EML6: variants seen among roughly 807,000 people sequenced by gnomAD.
The protein encoded by EML6 is echinoderm microtubule-associated protein-like 6.
A neutral mutation model predicts 240.1 loss-of-function variants in EML6; 154 were observed. The observed-to-expected ratio is 0.64, with a 90% CI of 0.56 to 0.73. EML6 has a LOEUF of 0.73. Among genes scored for constraint, EML6 ranks in the 30% least tolerant of loss-of-function variants. The pLI is 0.00. For synonymous variants in EML6, 1,148 were observed against 899.0 expected (o/e 1.28, Z -4.95); for missense variants, 2,964 against 2,474.6 (o/e 1.20, Z -4.20).
intron 2 of EML6, among the ~76,000 whole-genome samples, chr2:54,746,540 A>G (rs927768462): frequency 3.9e-5 from 6 of 152,192 alleles, no homozygotes; most frequent in African/African-American, 9.7e-5. Context: ...AGAGAAAAAG[A>G]AAAGAGTGTT....
intron 15 of EML6, among the ~76,000 whole-genome samples, chr2:54,870,650 G>A (rs529624493): frequency 2.6e-5 from 4 of 151,610 alleles, no homozygotes; most frequent in Non-Finnish European, 5.9e-5. Flanking sequence ...CTTGATTCAC[G>A]TGTATTTAAT....
chr2:54,950,555 T>C, intron 29 of EML6, 95 bp from the exon 30 acceptor site: 3 of 1,404,808 alleles, frequency 2.1e-6, no homozygotes, highest in Non-Finnish European at 2.9e-6. Context: ...ATACCGTTCC[T>C]GGGACACACG....
At chr2:54,929,086 G>C (rs1029863941) in intron 28 of EML6, among the ~76,000 whole-genome samples, 2 of 152,246 alleles carry the variant, frequency 1.3e-5, no homozygotes, top group Non-Finnish European at 2.9e-5. Context: ...AGGAAAGCCT[G>C]CTGACCAGCA....
intron 25 of EML6, among the ~76,000 whole-genome samples, 182 bp from the exon 26 acceptor site, chr2:54,916,577 G>C (rs1260297638): frequency 6.6e-6 from 1 of 152,070 alleles, no homozygotes; most frequent in Non-Finnish European, 1.5e-5. Context: ...TGCAGTGTTG[G>C]CTTCTGAAGA....
intron 26 of EML6, among the ~76,000 whole-genome samples, chr2:54,919,245 C>CG (rs1558685912): frequency 1.5e-5 from 2 of 137,138 alleles, no homozygotes; most frequent in East Asian, 2.4e-4. Context: ...TTTTGCTTCC[C>CG]CCCCCCCCCA....
chr2:54,964,477 TAGGCCTGGA>T, intron 37 of EML6, 85 bp from the exon 38 acceptor site: 1 of 1,214,656 alleles, frequency 8.2e-7, no homozygotes, highest in Non-Finnish European at 1.1e-6. Flanking sequence ...TCATTGCCTT[TAGGCCTGGA>T]AGGCCTGTCA....
intron 25 of EML6, among the ~76,000 whole-genome samples, 157 bp downstream of exon 25, chr2:54,911,199 G>A (rs1021820506): frequency 2.0e-5 from 3 of 152,128 alleles, no homozygotes; most frequent in Non-Finnish European, 4.4e-5. Context: ...CTGGTTTCCA[G>A]GTTCCCAGAA....
At chr2:54,932,699 A>G (rs1285761862) in intron 28 of EML6, among the ~76,000 whole-genome samples, 1 of 152,210 alleles carries the variant, frequency 6.6e-6, no homozygotes, top group African/African-American at 2.4e-5. Context: ...CAAAATGCTT[A>G]TATCATCTCA....
At chr2:54,956,632 G>A (rs1035241026) in intron 32 of EML6, among the ~76,000 whole-genome samples, 4 of 97,072 alleles carry the variant, frequency 4.1e-5, no homozygotes, top group Non-Finnish European at 1.2e-4. Context: ...TTCTCTGTGG[G>A]TCCCCCTAGC....
At chr2:54,745,510 T>G (rs1683873096) in intron 2 of EML6, among the ~76,000 whole-genome samples, 1 of 152,042 alleles carries the variant, frequency 6.6e-6, no homozygotes, top group Non-Finnish European at 1.5e-5. Context: ...AGTCTGGTGG[T>G]CAATATCTGT....
chr2:54,753,987 T>G (rs1684288404), intron 2 of EML6, among the ~76,000 whole-genome samples: 1 of 151,656 alleles, frequency 6.6e-6, no homozygotes, highest in African/African-American at 2.4e-5. Context: ...ATAGAAAAAT[T>G]AGCCGGGTGT....
Position 54,964,125 on chromosome 2 carries a change from A to G in EML6, c.5297A>G (p.Lys1766Arg). 6.4e-7 allele frequency: 1 copy of G among 1,551,678 alleles called. No individual in the cohort carries two copies. Among genetic ancestry groups the G allele is most frequent in the Non-Finnish European group, 8.7e-7 (1 of 1,146,986 alleles). The change falls in exon 37 of 42, where the codon AAA becomes AGA. Residue 1766 changes from lysine to arginine, a missense_variant. By Grantham distance (26) the Lys-to-Arg change is conservative (BLOSUM62 2). Coordinates refer to ENST00000356458, the MANE Select transcript of EML6 (RefSeq NM_001039753.4). ...AACAGCCTGAAAGTTTGGGGGAAAA[A>G]ACGAGACCGGAAATCTGCTATCCAA... Reference protein sequence around the residue: ...LVNSLKVWGKKRDRKSAIQDI... With the variant: ...LVNSLKVWGKRRDRKSAIQDI...
chr2:54,751,244 C>G (rs1401578555), intron 2 of EML6, among the ~76,000 whole-genome samples: 3 of 152,084 alleles, frequency 2.0e-5, no homozygotes, highest in Non-Finnish European at 4.4e-5. Context: ...AATATGAAAC[C>G]TGCATATTGG....
chr2:54,810,885 C>T (rs1233964707), intron 2 of EML6, among the ~76,000 whole-genome samples: 2 of 152,120 alleles, frequency 1.3e-5, no homozygotes, highest in Non-Finnish European at 2.9e-5. Context: ...TTGGTTTCCC[C>T]ACTAAAAATT....
chr2:54,787,905 C>G (rs1669175135), intron 2 of EML6, among the ~76,000 whole-genome samples: 2 of 152,132 alleles, frequency 1.3e-5, no homozygotes, highest in South Asian at 2.1e-4. Flanking sequence ...GTACACACCC[C>G]GTCCCCCGAG....
intron 2 of EML6, among the ~76,000 whole-genome samples, chr2:54,789,507 T>C (rs2631832): frequency 0.18 from 15,980 of 86,510 alleles, 1,244 homozygotes; most frequent in Middle Eastern, 0.33. Context: ...GAGCGAGACT[T>C]CGTCTCAAAA....
At chr2:54,875,265 A>G (rs187636490) in intron 16 of EML6, among the ~76,000 whole-genome samples, 3 of 152,372 alleles carry the variant, frequency 2.0e-5, no homozygotes, top group African/African-American at 7.2e-5. Context: ...AACAAGGGCA[A>G]CTAATGCTAC....
At chr2:54,879,277 G>A (rs977263909) in intron 16 of EML6, among the ~76,000 whole-genome samples, 4 of 152,138 alleles carry the variant, frequency 2.6e-5, no homozygotes, top group Admixed American at 2.0e-4. Context: ...TAGGAAGCTC[G>A]GCTATCTCTA....
chr2:54,936,683 A>G (rs1192045686), intron 28 of EML6, among the ~76,000 whole-genome samples: 1 of 152,208 alleles, frequency 6.6e-6, no homozygotes, highest in Non-Finnish European at 1.5e-5. Flanking sequence ...CTGCTGAGGC[A>G]TACAGCTTTT....
Sources: allele counts gnomAD v4.1 joint callset (sites outside exome capture counted in the v4.1 genomes callset), GRCh38; gene constraint gnomAD v4.1.1; transcripts MANE v1.5; gene names NCBI Gene and HGNC (gene_info 2026-07-23, HGNC 2026-07-21).